The following RALYL variants were observed in gnomAD, a reference collection of about 807,000 sequenced individuals.
RALYL encodes RALY RNA binding protein like.
A neutral mutation model predicts 35.1 loss-of-function variants in RALYL; 29 were observed. The ratio of observed to expected loss-of-function variants is 0.83; its 90% confidence interval spans 0.61 to 1.13. The LOEUF (loss-of-function observed/expected upper bound fraction) is 1.13. Among genes scored for constraint, RALYL ranks in the 50% most tolerant of loss-of-function variants. The pLI is 0.00. For missense variants in RALYL, 359 were observed against 360.4 expected, an observed-to-expected ratio of 1.00 and a Z score of 0.03; for synonymous variants, 120 against 127.6, an observed-to-expected ratio of 0.94 and a Z score of 0.40.
intron 1 of RALYL, among the ~76,000 whole-genome samples, chr8:84,460,849 G>A (rs1033014738): frequency 6.6e-6 from 1 of 151,456 alleles, no homozygotes; most frequent in South Asian, 2.1e-4. Context: ...ATAAGCTTTT[G>A]TAAATCTTAG....
intron 4 of RALYL, among the ~76,000 whole-genome samples, chr8:84,810,745 T>A (rs1170663254): frequency 6.6e-6 from 1 of 152,234 alleles, no homozygotes; most frequent in Non-Finnish European, 1.5e-5. Flanking sequence ...ATAATGTCCC[T>A]CTTTGTCTCT....
chr8:84,614,348 C>T (rs1002524990), intron 2 of RALYL, among the ~76,000 whole-genome samples: 2 of 151,630 alleles, frequency 1.3e-5, no homozygotes, highest in African/African-American at 4.9e-5. Flanking sequence ...AATGAAATCA[C>T]AAAGGCCATC....
chr8:84,854,073 C>G (rs968898725), intron 5 of RALYL, among the ~76,000 whole-genome samples: 2 of 152,096 alleles, frequency 1.3e-5, no homozygotes, highest in African/African-American at 4.8e-5. Flanking sequence ...TGGGGCCAGG[C>G]GCGGTGGCTC....
chr8:84,707,705 C>T (rs1841455532), intron 2 of RALYL, among the ~76,000 whole-genome samples: 1 of 151,860 alleles, frequency 6.6e-6, no homozygotes, highest in Non-Finnish European at 1.5e-5. Context: ...TTTCTATATT[C>T]TAATAATATA....
At chr8:84,460,165 A>G (rs1175906019) in intron 1 of RALYL, among the ~76,000 whole-genome samples, 2 of 151,760 alleles carry the variant, frequency 1.3e-5, no homozygotes, top group Non-Finnish European at 3.0e-5. Context: ...TTGAAAGGGT[A>G]GAATATAGGA....
chr8:84,598,335 G>A (rs1815089053), intron 2 of RALYL, among the ~76,000 whole-genome samples: 1 of 152,058 alleles, frequency 6.6e-6, no homozygotes, highest in Non-Finnish European at 1.5e-5. Flanking sequence ...TACTACAGGT[G>A]TGCACCACCA....
chr8:84,486,826 A>G (rs965858417), intron 1 of RALYL, among the ~76,000 whole-genome samples: 15 of 152,126 alleles, frequency 9.9e-5, no homozygotes, highest in Non-Finnish European at 2.2e-4. Context: ...GTGGTTAAAA[A>G]CACTTAACAT....
At chr8:84,262,775 C>G (rs962366480) in intron 1 of RALYL, among the ~76,000 whole-genome samples, 1 of 152,034 alleles carries the variant, frequency 6.6e-6, no homozygotes, top group African/African-American at 2.4e-5. Context: ...ATCAAATTGA[C>G]TAAAATAGAT....
chr8:84,305,993 T>C (rs971091014), intron 1 of RALYL, among the ~76,000 whole-genome samples: 1 of 151,914 alleles, frequency 6.6e-6, no homozygotes, highest in African/African-American at 2.4e-5. Context: ...TGAAACCCCA[T>C]CTCTACTAAA....
chr8:84,536,887 T>C (rs1476020676), intron 2 of RALYL, among the ~76,000 whole-genome samples: 1 of 152,186 alleles, frequency 6.6e-6, no homozygotes, highest in Admixed American at 6.5e-5. Context: ...ACAAAAATAT[T>C]TGAATATGTA....
intron 2 of RALYL, among the ~76,000 whole-genome samples, chr8:84,651,764 A>G (rs1206386416): frequency 2.6e-5 from 4 of 152,032 alleles, no homozygotes; most frequent in South Asian, 2.1e-4. Context: ...AATAAAGATA[A>G]TTATTGAATT....
rs766134995 is a variant in RALYL, at chr8:84,873,309, C to T, written c.597C>T (p.Ile199=). The change falls in exon 7 of 9, where the codon ATC becomes ATT. Residue 199 remains isoleucine, a synonymous_variant. Transcript: ENST00000521268. ...SKLKSDELQT[I]KKELTQIKTK... is the part of the protein sequence containing the mutation. ...TGAAATCAGATGAGTTACAGACCAT[C>T]AAGAAAGAATTAACCCAGATCAAAA... 1 of 1,594,078 alleles carries T rather than the reference C, an allele frequency of 6.3e-7. No homozygotes were observed. The highest frequency in any genetic ancestry group is 8.6e-7 in the Non-Finnish European group (1 of 1,169,016).
intron 1 of RALYL, among the ~76,000 whole-genome samples, chr8:84,486,730 AG>A (rs759785240): frequency 1.1e-4 from 16 of 152,106 alleles, no homozygotes; most frequent in Non-Finnish European, 2.2e-4. Context: ...TTACATTGAA[AG>A]TGAAATAAAT....
intron 2 of RALYL, among the ~76,000 whole-genome samples, chr8:84,755,116 G>C (rs567679977): frequency 2.5e-4 from 38 of 152,246 alleles, no homozygotes; most frequent in African/African-American, 9.1e-4. Flanking sequence ...GAAGAGGGCA[G>C]ATATGCAATT....
intron 2 of RALYL, among the ~76,000 whole-genome samples, chr8:84,671,745 C>T (rs1033113199): frequency 6.6e-6 from 1 of 152,314 alleles, no homozygotes; most frequent in South Asian, 2.1e-4. Flanking sequence ...GGCCTGGGCC[C>T]AGCCCACGAA....
At chr8:84,334,034 A>G (rs1847313700) in intron 1 of RALYL, among the ~76,000 whole-genome samples, 2 of 151,886 alleles carry the variant, frequency 1.3e-5, no homozygotes, top group Admixed American at 1.3e-4. Flanking sequence ...CTATGGGTGC[A>G]TGCTACCACA....
chr8:84,483,640 T>A (rs1014675152), intron 1 of RALYL, among the ~76,000 whole-genome samples: 6 of 152,060 alleles, frequency 3.9e-5, no homozygotes, highest in Admixed American at 1.3e-4. Flanking sequence ...AGGTGGAAAA[T>A]GTAATAATTG....
chr8:84,406,209 T>C (rs986065692), intron 1 of RALYL, among the ~76,000 whole-genome samples: 4 of 152,150 alleles, frequency 2.6e-5, no homozygotes, highest in Non-Finnish European at 5.9e-5. Context: ...TTTTTCATGT[T>C]CTTAAATGGC....
intron 3 of RALYL, among the ~76,000 whole-genome samples, chr8:84,793,627 T>C (rs554950519): frequency 1.3e-5 from 2 of 152,292 alleles, no homozygotes; most frequent in East Asian, 3.9e-4. Flanking sequence ...GAAGCCAAAA[T>C]GCAGCCTTGC....
Sources: gnomAD v4.1 joint callset for allele counts (sites outside exome capture counted in the v4.1 genomes callset) on GRCh38, gnomAD v4.1.1 for gene constraint, MANE v1.5 for transcripts, NCBI Gene and HGNC (gene_info 2026-07-23, HGNC 2026-07-21) for gene names.